The following LMO1 variants were observed in gnomAD, a reference collection of about 807,000 sequenced individuals.
LMO1 encodes the protein rhombotin-1.
A neutral mutation model predicts 18.0 loss-of-function variants in LMO1; 10 were observed. The observed-to-expected ratio is 0.55, with a 90% CI of 0.34 to 0.94. LMO1 has a LOEUF of 0.94. Among genes scored for constraint, LMO1 ranks in the 40% least tolerant of loss-of-function variants. The pLI is 0.02. For synonymous variants in LMO1, 77 were observed against 77.9 expected, an observed-to-expected ratio of 0.99 and a Z score of 0.06; for missense variants, 183 against 205.7, an observed-to-expected ratio of 0.89 and a Z score of 0.68.
chr11:8,225,763 G>T (rs1952527966), intron 3 of LMO1, among the ~76,000 whole-genome samples: 1 of 152,198 alleles, frequency 6.6e-6, no homozygotes, highest in African/African-American at 2.4e-5. Flanking sequence ...ACCAGGTGGC[G>T]CTGTAAGTTC....
intron 1 of LMO1, among the ~76,000 whole-genome samples, chr11:8,253,237 A>G (rs1003789646): frequency 6.6e-6 from 1 of 152,192 alleles, no homozygotes; most frequent in African/African-American, 2.4e-5. Context: ...CAATCCTCCC[A>G]AAGCTGGGAA....
chr11:8,229,706 GAGA>G (rs1399408449), intron 2 of LMO1, among the ~76,000 whole-genome samples: 1 of 152,216 alleles, frequency 6.6e-6, no homozygotes, highest in Non-Finnish European at 1.5e-5. Flanking sequence ...CTGAGGCTGG[GAGA>G]AGATTAGGAG....
At chr11:8,249,518 G>A (rs1846952139) in intron 1 of LMO1, among the ~76,000 whole-genome samples, 1 of 152,162 alleles carries the variant, frequency 6.6e-6, no homozygotes, top group Non-Finnish European at 1.5e-5. Flanking sequence ...ATAAAGATGG[G>A]AACAACAGAC....
chr11:8,260,586 T>A (rs944312234), intron 1 of LMO1, among the ~76,000 whole-genome samples: 3 of 39,764 alleles, frequency 7.5e-5, no homozygotes, highest in Non-Finnish European at 2.6e-4. Context: ...AAAAAAAAAT[T>A]TTTTTTTTCT....
In LMO1 at chr11:8,263,486, G is replaced by A; in HGVS notation, c.-124C>T. The A allele has an allele frequency of 6.6e-7, 1 of 1,506,990 alleles. No homozygotes were observed. The highest frequency in any genetic ancestry group is 8.8e-7 in the Non-Finnish European group (1 of 1,135,362). 93.4% of individuals were successfully genotyped at this position (1,506,990 alleles called of 1,614,324 possible). ...CGGGCTCTAATTACCCGCTTGTCCG[G>A]CTCTTAACCTAGATTGCACTCAGCT... is the stretch of plus-strand genomic sequence containing the variant. On this transcript the variant is annotated 5_prime_UTR_variant, in exon 1 of 4. Transcript: ENST00000335790.
At chr11:8,255,749 C>G (rs569084548) in intron 1 of LMO1, among the ~76,000 whole-genome samples, 1 of 150,902 alleles carries the variant, frequency 6.6e-6, no homozygotes, top group African/African-American at 2.4e-5. Context: ...TGTGTTAAGG[C>G]TCTACATTTT....
At chr11:8,263,215 G>T (rs560757447) in intron 1 of LMO1, 123 bp downstream of exon 1, 212 of 879,902 alleles carry the variant, frequency 2.4e-4, no homozygotes, top group Non-Finnish European at 2.9e-4. Context: ...CCAGCGCGCC[G>T]CCCGCCCCGC....
intron 1 of LMO1, among the ~76,000 whole-genome samples, chr11:8,237,081 A>G (rs1952772919): frequency 6.6e-6 from 1 of 152,090 alleles, no homozygotes; most frequent in South Asian, 2.1e-4. Context: ...TGTTACCCTC[A>G]TGGACCCACG....
At chr11:8,251,734 G>T (rs1846996944) in intron 1 of LMO1, among the ~76,000 whole-genome samples, 1 of 150,786 alleles carries the variant, frequency 6.6e-6, no homozygotes, top group African/African-American at 2.4e-5. Flanking sequence ...TGGTGTGTAT[G>T]GGGGGGGTAT....
At chr11:8,260,019 C>T (rs566509190) in intron 1 of LMO1, among the ~76,000 whole-genome samples, 10 of 152,226 alleles carry the variant, frequency 6.6e-5, no homozygotes, top group East Asian at 5.8e-4. Flanking sequence ...TTGCAAAGGC[C>T]GTTTATACCC....
At chr11:8,263,922 A>G, upstream of LMO1, 1 of 1,003,114 alleles carries the variant, frequency 1.0e-6, no homozygotes, top group Non-Finnish European at 1.2e-6. Flanking sequence ...ACATTTCCTG[A>G]GGCCTCCACC....
At chr11:8,229,104 T>C (rs61423883) in intron 2 of LMO1, among the ~76,000 whole-genome samples, 19,930 of 151,734 alleles carry the variant, frequency 0.13, 1,925 homozygotes, top group African/African-American at 0.27. Context: ...CCAGGGTTGG[T>C]CTCGAACTCC....
Position 8,227,019 on chromosome 11 carries a change from G to C in LMO1, c.321C>G (p.Asn107Lys), listed in dbSNP as rs565046943. ...AFEMVMRARD[N>K]VYHLDCFACQ... ...AGGCGAAGCAGTCGAGGTGATACAC[G>C]TTGTCCCGGGCCCGCATCACCATCT... Residue 107 changes from asparagine (N) to lysine (K), a missense_variant, in exon 3 of 4, where the codon AAC becomes AAG. Coordinates refer to ENST00000335790, the MANE Select transcript of LMO1 (RefSeq NM_002315.3). 3 of 1,613,690 alleles carry C rather than the reference G, an allele frequency of 1.9e-6. No homozygotes were observed. The highest frequency in any genetic ancestry group is 2.5e-6 in the Non-Finnish European group (3 of 1,179,820).
intron 1 of LMO1, among the ~76,000 whole-genome samples, chr11:8,259,536 C>CTA (rs1847152596): frequency 6.6e-6 from 1 of 152,364 alleles, no homozygotes; most frequent in Non-Finnish European, 1.5e-5. Context: ...TGGTCCCCAC[C>CTA]CTGCCAGACT....
intron 2 of LMO1, 101 bp downstream of exon 2, chr11:8,230,190 G>A: frequency 1.0e-6 from 1 of 1,000,350 alleles, no homozygotes; most frequent in Non-Finnish European, 1.5e-6. Flanking sequence ...GGACACACAG[G>A]GTACTGGGTC....
At chr11:8,248,301 G>A (rs1006958014) in intron 1 of LMO1, among the ~76,000 whole-genome samples, 3 of 152,228 alleles carry the variant, frequency 2.0e-5, no homozygotes, top group Admixed American at 6.5e-5. Context: ...GAGTGAGTCC[G>A]AAGCCTTTGC....
intron 1 of LMO1, 131 bp downstream of exon 1, chr11:8,263,207 A>C (rs1336491161): frequency 1.6e-5 from 12 of 753,118 alleles, no homozygotes; most frequent in Admixed American, 4.5e-5. Flanking sequence ...CCCGGCCCCC[A>C]GCGCGCCGCC....
chr11:8,268,671 G>A, upstream of LMO1: 1 of 298,806 alleles, frequency 3.3e-6, no homozygotes, highest in Non-Finnish European at 6.1e-6. Flanking sequence ...GGGCGAGACG[G>A]CCAGGCCGGG....
upstream of LMO1, chr11:8,268,316 G>A: frequency 1.1e-6 from 1 of 908,632 alleles, no homozygotes. Context: ...GCCCGCGGGT[G>A]CTGAGGGCTC....
Sources: gnomAD v4.1 joint callset for allele counts (sites outside exome capture counted in the v4.1 genomes callset) on GRCh38, gnomAD v4.1.1 for gene constraint, MANE v1.5 for transcripts, NCBI Gene and HGNC (gene_info 2026-07-23, HGNC 2026-07-21) for gene names.